Variants in RBFOX1 observed in about 807,000 individuals in gnomAD.
RBFOX1 encodes RNA binding fox-1 homolog 1, also known as RNA binding protein fox-1 homolog 1.
RBFOX1 carries 8 observed loss-of-function variants against 57.7 expected under a neutral mutation model. That is an observed-to-expected ratio of 0.14 (90% CI 0.08 to 0.25). RBFOX1 has a LOEUF of 0.25. Among genes scored for constraint, RBFOX1 ranks in the 10% least tolerant of loss-of-function variants. The probability of loss-of-function intolerance (pLI) is 1.00; values close to 1 mark genes in which losing one functional copy is unlikely to be tolerated. For missense variants in RBFOX1, 611 were observed against 548.5 expected (o/e 1.11, Z -1.14); for synonymous variants, 326 against 222.4 (o/e 1.47, Z -4.15).
intron 4 of RBFOX1, among the ~76,000 whole-genome samples, chr16:5,885,743 T>C (rs781735984): frequency 5.3e-5 from 8 of 152,160 alleles, no homozygotes; most frequent in Non-Finnish European, 1.2e-4. Context: ...CAGGAAGTGA[T>C]TTTCTTACTT....
At chr16:6,364,535 T>C (rs534937910) in intron 2 of RBFOX1, among the ~76,000 whole-genome samples, 4 of 152,348 alleles carry the variant, frequency 2.6e-5, no homozygotes, top group Non-Finnish European at 5.9e-5. Context: ...CTGGCCATTT[T>C]TCCCCAGCGG....
intron 5 of RBFOX1, among the ~76,000 whole-genome samples, chr16:7,551,343 G>C (rs1036678740): frequency 6.6e-6 from 1 of 152,052 alleles, no homozygotes; most frequent in Non-Finnish European, 1.5e-5. Flanking sequence ...ATCCACAGAG[G>C]GGAAGCAGAT....
chr16:7,147,458 C>A (rs569927455), intron 4 of RBFOX1, among the ~76,000 whole-genome samples: 1 of 152,082 alleles, frequency 6.6e-6, no homozygotes, highest in Non-Finnish European at 1.5e-5. Flanking sequence ...GTTTTTCAAC[C>A]CCGGCCTTCC....
intron 3 of RBFOX1, among the ~76,000 whole-genome samples, chr16:7,028,609 CAAAAAAAAAAA>C (rs869138217): frequency 1.1e-3 from 49 of 45,426 alleles, no homozygotes; most frequent in African/African-American, 3.6e-3. Context: ...CACACACACA[CAAAAAAAAAAA>C]AAAAAAAAAA....
At chr16:7,460,417 G>GTGTGTGTGTA (rs36087873) in intron 4 of RBFOX1, among the ~76,000 whole-genome samples, 1 of 125,416 alleles carries the variant, frequency 8.0e-6, no homozygotes, top group Non-Finnish European at 1.6e-5. Context: ...GTGTGTGTGT[G>GTGTGTGTGTA]TATATACATA....
intron 4 of RBFOX1, among the ~76,000 whole-genome samples, chr16:5,974,363 C>T (rs770594321): frequency 3.9e-5 from 6 of 152,128 alleles, no homozygotes; most frequent in African/African-American, 7.2e-5. Context: ...AATCCCAGCA[C>T]GTTGGGAGGC....
intron 4 of RBFOX1, among the ~76,000 whole-genome samples, chr16:7,061,729 A>C (rs1296652114): frequency 6.6e-6 from 1 of 152,172 alleles, no homozygotes; most frequent in Non-Finnish European, 1.5e-5. Flanking sequence ...AACAGCTCCA[A>C]GCAAATCGCT....
chr16:5,925,289 G>T (rs2058917816), intron 4 of RBFOX1, among the ~76,000 whole-genome samples: 1 of 152,164 alleles, frequency 6.6e-6, no homozygotes, highest in South Asian at 2.1e-4. Context: ...CAGACAAAAT[G>T]CTGTCTACCC....
intron 1 of RBFOX1, among the ~76,000 whole-genome samples, chr16:6,255,508 T>C (rs1031972124): frequency 1.3e-5 from 2 of 152,008 alleles, no homozygotes; most frequent in African/African-American, 4.8e-5. Flanking sequence ...ATTTTGACTA[T>C]AAGACCCAAG....
intron 1 of RBFOX1, among the ~76,000 whole-genome samples, chr16:6,248,043 C>T (rs1445891525): frequency 6.6e-6 from 1 of 152,192 alleles, no homozygotes; most frequent in African/African-American, 2.4e-5. Context: ...GTACAAAAGG[C>T]CACTGTTCAG....
intron 2 of RBFOX1, among the ~76,000 whole-genome samples, chr16:6,570,512 C>G (rs191411062): frequency 6.6e-6 from 1 of 152,218 alleles, no homozygotes; most frequent in Admixed American, 6.5e-5. Flanking sequence ...TATATATACA[C>G]ACATACATAC....
intron 4 of RBFOX1, among the ~76,000 whole-genome samples, chr16:7,435,075 A>T (rs991501954): frequency 2.0e-5 from 3 of 152,212 alleles, no homozygotes; most frequent in African/African-American, 7.2e-5. Context: ...ATGAACCAAT[A>T]TTGATACATT....
At chr16:6,119,380 A>G (rs919485424) in intron 1 of RBFOX1, among the ~76,000 whole-genome samples, 2 of 152,180 alleles carry the variant, frequency 1.3e-5, no homozygotes, top group African/African-American at 4.8e-5. Context: ...AGGGTCAACG[A>G]TGTCTTTATA....
At chr16:7,585,216 G>C (rs189888694) in intron 6 of RBFOX1, among the ~76,000 whole-genome samples, 12 of 152,260 alleles carry the variant, frequency 7.9e-5, no homozygotes, top group Admixed American at 7.2e-4. Context: ...CAAAACTGGA[G>C]GTTTCTTTAC....
At chr16:7,046,744 T>G (rs868084279) in intron 3 of RBFOX1, among the ~76,000 whole-genome samples, 3 of 151,580 alleles carry the variant, frequency 2.0e-5, no homozygotes, top group Admixed American at 6.6e-5. Flanking sequence ...TAGCTGGGAT[T>G]ACAAGCACGC....
chr16:6,895,464 A>G (rs868719385), intron 3 of RBFOX1, among the ~76,000 whole-genome samples: 6 of 99,450 alleles, frequency 6.0e-5, no homozygotes, highest in Admixed American at 1.9e-4. Flanking sequence ...ATATATATAT[A>G]TATATATATA....
intron 3 of RBFOX1, among the ~76,000 whole-genome samples, chr16:6,923,423 C>T (rs762322248): frequency 6.6e-6 from 1 of 152,096 alleles, no homozygotes; most frequent in Non-Finnish European, 1.5e-5. Context: ...ATTCCAGCTA[C>T]TTGGAAGGCT....
chr16:6,534,366 C>T (rs1046422009), intron 2 of RBFOX1, among the ~76,000 whole-genome samples: 4 of 152,092 alleles, frequency 2.6e-5, no homozygotes, highest in South Asian at 4.2e-4. Context: ...ATGAAGCTGA[C>T]GAACAGGAGA....
At chr16:5,881,130 A>G (rs1246469105) in intron 4 of RBFOX1, among the ~76,000 whole-genome samples, 1 of 152,190 alleles carries the variant, frequency 6.6e-6, no homozygotes, top group Non-Finnish European at 1.5e-5. Context: ...TCACGGACTC[A>G]CTGTGTTCTA....
Sources: gnomAD v4.1 joint callset for allele counts (sites outside exome capture counted in the v4.1 genomes callset) on GRCh38, gnomAD v4.1.1 for gene constraint, MANE v1.5 for transcripts, NCBI Gene and HGNC (gene_info 2026-07-23, HGNC 2026-07-21) for gene names.